The following DLGAP1 variants were observed in gnomAD, a reference collection of about 807,000 sequenced individuals.
DLGAP1 encodes the protein DLG associated protein 1, also known as disks large-associated protein 1.
A neutral mutation model predicts 90.8 loss-of-function variants in DLGAP1; 11 were observed. The observed-to-expected ratio is 0.12, with a 90% confidence interval of 0.08 to 0.20. DLGAP1 has a LOEUF of 0.20. DLGAP1 is among the 10% of genes least tolerant of loss of function. DLGAP1 has a pLI of 1.00. For missense variants in DLGAP1, 1,050 were observed against 1,333.8 expected (o/e 0.79, Z 3.31); for synonymous variants, 558 against 540.7 (o/e 1.03, Z -0.44).
chr18:3,508,369 ATTAT>A (rs1293457972), intron 11 of DLGAP1, among the ~76,000 whole-genome samples, 197 bp downstream of exon 11: 2 of 152,242 alleles, frequency 1.3e-5, no homozygotes, highest in Non-Finnish European at 2.9e-5. Flanking sequence ...TTTTTCTAAG[ATTAT>A]TTAAGTGAAA....
intron 3 of DLGAP1, among the ~76,000 whole-genome samples, chr18:3,993,363 A>G (rs901085128): frequency 6.6e-6 from 1 of 152,162 alleles, no homozygotes; most frequent in African/African-American, 2.4e-5. Context: ...ATTCTCATTG[A>G]TTTTAATCAA....
intron 1 of DLGAP1, among the ~76,000 whole-genome samples, chr18:4,236,991 G>A (rs2078430478): frequency 6.6e-6 from 1 of 152,110 alleles, no homozygotes; most frequent in African/African-American, 2.4e-5. Flanking sequence ...TGCTCCTTCT[G>A]GTTCAGGCAT....
intron 4 of DLGAP1, among the ~76,000 whole-genome samples, chr18:3,876,280 T>C (rs11661423): frequency 0.11 from 16,840 of 152,114 alleles, 1,138 homozygotes; most frequent in South Asian, 0.19. Flanking sequence ...TATATGGCTC[T>C]TTCTTCCCTT....
chr18:3,941,655 A>G lies in DLGAP1; in HGVS notation c.-72-61515T>C, dbSNP rs143028522. Among the ~76,000 whole-genome samples, 143 of 152,280 alleles carry G rather than the reference A, an allele frequency of 9.4e-4. 1 individual carries two copies. Among genetic ancestry groups the G allele is most frequent in the African/African-American group, 3.3e-3 (137 of 41,530 alleles). ...CTCATTAGCAATAACAGAACTTAATATTTTTTGTAATATAAAAACATTTTT... is the reference window on the plus strand; with the variant it reads ...CTCATTAGCAATAACAGAACTTAATGTTTTTTGTAATATAAAAACATTTTT... On this transcript the variant is annotated intron_variant, in intron 3 of 12. Coordinates refer to ENST00000315677, the MANE Select transcript of DLGAP1 (RefSeq NM_004746.4).
At chr18:3,728,461 C>G (rs1296284097) in intron 7 of DLGAP1, among the ~76,000 whole-genome samples, 3 of 151,982 alleles carry the variant, frequency 2.0e-5, no homozygotes, top group Admixed American at 6.6e-5. Flanking sequence ...TTAAGCTTTT[C>G]TGTGTCTCCG....
chr18:3,785,932 C>T (rs1253712396), intron 5 of DLGAP1, among the ~76,000 whole-genome samples: 1 of 152,168 alleles, frequency 6.6e-6, no homozygotes, highest in African/African-American at 2.4e-5. Context: ...TGCTGGCTTC[C>T]TTCAGCCTTT....
At chr18:4,218,200 G>A (rs1470101350) in intron 1 of DLGAP1, among the ~76,000 whole-genome samples, 1 of 151,222 alleles carries the variant, frequency 6.6e-6, no homozygotes, top group East Asian at 2.0e-4. Flanking sequence ...TCAAGGATCA[G>A]TTGGCAACAT....
At chr18:3,854,755 C>T (rs770243366) in intron 4 of DLGAP1, among the ~76,000 whole-genome samples, 42 of 152,034 alleles carry the variant, frequency 2.8e-4, no homozygotes, top group South Asian at 6.2e-4. Context: ...AGTATGATTT[C>T]GTGTGAAAAA....
chr18:3,984,489 A>G (rs1369318041), intron 3 of DLGAP1, among the ~76,000 whole-genome samples: 1 of 152,112 alleles, frequency 6.6e-6, no homozygotes, highest in Non-Finnish European at 1.5e-5. Flanking sequence ...ACAGCACTCT[A>G]AGCTCCAGGT....
intron 1 of DLGAP1, among the ~76,000 whole-genome samples, chr18:4,297,088 C>T (rs1440041798): frequency 6.6e-6 from 1 of 152,112 alleles, no homozygotes. Flanking sequence ...TTTGAACACC[C>T]TTTTTATAGT....
intron 3 of DLGAP1, among the ~76,000 whole-genome samples, chr18:3,985,776 T>G (rs555319766): frequency 6.6e-6 from 1 of 152,268 alleles, no homozygotes; most frequent in South Asian, 2.1e-4. Flanking sequence ...TACCCCAGTA[T>G]GAGTCATTTG....
chr18:3,882,543 A>AC (rs1394994683), intron 3 of DLGAP1, among the ~76,000 whole-genome samples: 1 of 151,292 alleles, frequency 6.6e-6, no homozygotes, highest in African/African-American at 2.4e-5. Context: ...AAAAAAAAAA[A>AC]GTTAATAGCC....
chr18:4,271,299 C>T (rs1473406095), intron 1 of DLGAP1, among the ~76,000 whole-genome samples: 1 of 152,114 alleles, frequency 6.6e-6, no homozygotes, highest in Non-Finnish European at 1.5e-5. Context: ...CATTAACCTC[C>T]AACCTCTAGT....
At chr18:4,269,577 A>G (rs1413664313) in intron 1 of DLGAP1, among the ~76,000 whole-genome samples, 3 of 151,796 alleles carry the variant, frequency 2.0e-5, no homozygotes, top group East Asian at 1.9e-4. Flanking sequence ...GATGGTCTCG[A>G]TCTCCTGACC....
chr18:4,038,556 C>T (rs1019471777), intron 2 of DLGAP1, among the ~76,000 whole-genome samples: 3 of 152,136 alleles, frequency 2.0e-5, no homozygotes, highest in Middle Eastern at 3.4e-3. Flanking sequence ...TCTTCTCATT[C>T]TCTTTAGTAT....
At chr18:3,741,037 A>C in intron 6 of DLGAP1, among the ~76,000 whole-genome samples, 1 of 79,448 alleles carries the variant, frequency 1.3e-5, no homozygotes. Flanking sequence ...CACCACCACC[A>C]TCACCTCACC....
chr18:3,928,868 C>T (rs551772809), intron 3 of DLGAP1, among the ~76,000 whole-genome samples: 8 of 152,220 alleles, frequency 5.3e-5, no homozygotes, highest in African/African-American at 1.4e-4. Flanking sequence ...ACTGTGATCT[C>T]GAGCGTTAGA....
At chr18:3,780,525 T>TC (rs1555667666) in intron 5 of DLGAP1, among the ~76,000 whole-genome samples, 28 of 132,228 alleles carry the variant, frequency 2.1e-4, no homozygotes, top group Middle Eastern at 3.4e-3. Context: ...TCTGTCCAGG[T>TC]CCCCCTCCAA....
intron 5 of DLGAP1, chr18:3,774,510 A>G (rs2148056314): frequency 1.3e-5 from 2 of 152,306 alleles, no homozygotes; most frequent in Middle Eastern, 6.8e-3. Context: ...GAAAGGTGAC[A>G]TATTCGTCCT....
Sources: gnomAD v4.1 joint callset for allele counts (sites outside exome capture counted in the v4.1 genomes callset) on GRCh38, gnomAD v4.1.1 for gene constraint, MANE v1.5 for transcripts, NCBI Gene and HGNC (gene_info 2026-07-23, HGNC 2026-07-21) for gene names.